Variants in PSORS1C1 observed in about 807,000 individuals in gnomAD.
The protein encoded by PSORS1C1 is psoriasis susceptibility 1 candidate gene 1 protein.
A neutral mutation model predicts 9.4 loss-of-function variants in PSORS1C1; 7 were observed. The ratio of observed to expected loss-of-function variants is 0.75; its 90% CI spans 0.42 to 1.40. The LOEUF is 1.40. Among genes scored for constraint, PSORS1C1 ranks in the 40% most tolerant of loss-of-function variants. The pLI is 0.01. For missense variants in PSORS1C1, 146 were observed against 178.1 expected, an observed-to-expected ratio of 0.82 and a Z score of 1.02; for synonymous variants, 63 against 69.4, an observed-to-expected ratio of 0.91 and a Z score of 0.46.
rs371006522 is a variant in PSORS1C1 at position 31,130,639 on chromosome 6, G to A, written c.13+994G>A. ...CGTGGTCTCGATCTCCTGACCTCGC[G>A]ATCCGCCCACCTCGGCCTCCCAAAG... On this transcript the variant is annotated intron_variant, in intron 3 of 5. Transcript: ENST00000259881. Among the ~76,000 whole-genome samples the A allele has an allele frequency of 6.2e-4, 95 of 152,116 alleles. No individual in the cohort carries two copies. In the East Asian group the frequency reaches 7.9e-3, roughly 13 times the overall value.
rs1057495800 is a variant in PSORS1C1 at position 31,115,886 on chromosome 6, T to C, written c.-229+995T>C. On this transcript the variant is annotated intron_variant, in intron 1 of 5. Coordinates refer to ENST00000259881, the MANE Select transcript of PSORS1C1 (RefSeq NM_014068.3). This position sits in a 1 kb window ranked among gnomAD's most constrained non-coding sequence, Gnocchi z 4.2. ...GAGAGAGTCTGCAACCTTGGGGTAG[T>C]GGAGAAAGCAGAACCACTCTTTTGG... The C allele has an allele frequency of 9.3e-5, 67 of 718,722 alleles. No individual in the cohort carries two copies. Among genetic ancestry groups the C allele is most frequent in the Non-Finnish European group, 1.2e-4 (48 of 410,066 alleles). 44.5% of individuals were successfully genotyped at this position (718,722 alleles called of 1,614,324 possible).
chr6:31,115,850 A>G lies in PSORS1C1; in HGVS notation c.-229+959A>G. 1 of 604,528 alleles carries G rather than the reference A, an allele frequency of 1.7e-6. No homozygotes were observed. The allele number at this position is 604,528 out of a possible 1,614,324, so 37.4% of individuals were successfully genotyped here. On this transcript the variant is annotated intron_variant, in intron 1 of 5. Transcript: ENST00000259881. The surrounding 1 kb of genome is among the most constrained non-coding windows in gnomAD (Gnocchi z 4.2). ...ACCATTTTGAGAAGAGGAAGGAGGA[A>G]GGGGTGATAAGAGAGAGTCTGCAAC... is the stretch of plus-strand genomic sequence containing the variant.
In PSORS1C1 at chr6:31,138,690, C is replaced by G; in HGVS notation, c.78C>G (p.Leu26=). The G allele has an allele frequency of 6.2e-7, 1 of 1,613,100 alleles. No homozygotes were observed. Among genetic ancestry groups the G allele is most frequent in the Non-Finnish European group, 8.5e-7 (1 of 1,179,886 alleles). Residue 26 remains leucine, a synonymous_variant, in exon 5 of 6, where the codon CTC becomes CTG. Transcript: ENST00000259881. ...TQTPALQGPQ[L]LNTDPSSEET... ...CCCCAGCTTTACAAGGACCCCAGCT[C>G]CTTAACACAGATCCCAGCTCCGAGG...
In PSORS1C1 at chr6:31,139,162, C is replaced by T; in HGVS notation, c.167+383C>T. 1.4e-6 allele frequency: 1 copy of T among 701,134 alleles called. No individual in the cohort carries two copies. The highest frequency in any genetic ancestry group is 2.4e-6 in the Non-Finnish European group (1 of 408,540). The allele number at this position is 701,134 out of a possible 1,614,324, so 43.4% of individuals were successfully genotyped here. ...TACCATCAGAACAGAACTGGTCAAA[C>T]CCGTTGGGAAGGCCTGGGCTGATGT... On this transcript the variant is annotated intron_variant, in intron 5 of 5. Coordinates refer to ENST00000259881, the MANE Select transcript of PSORS1C1 (RefSeq NM_014068.3). This position sits in a 1 kb window ranked among gnomAD's most constrained non-coding sequence, Gnocchi z 5.2.
In PSORS1C1 at chr6:31,139,599, A is replaced by G. The variant is rs745939536; in HGVS notation, c.168-42A>G. ...CTTTCCTGGGCACTTCCCTTCCCCCATGGGATCCAGGCATCCTGCTCTCCA... is the reference window on the plus strand; with the variant it reads ...CTTTCCTGGGCACTTCCCTTCCCCCGTGGGATCCAGGCATCCTGCTCTCCA... On this transcript the variant is annotated intron_variant, in intron 5 of 5. Coordinates refer to ENST00000259881, the MANE Select transcript of PSORS1C1 (RefSeq NM_014068.3). The surrounding 1 kb of genome is among the most constrained non-coding windows in gnomAD (Gnocchi z 5.2). 8 of 1,592,618 alleles carry G rather than the reference A, an allele frequency of 5.0e-6. No homozygotes were observed. The highest frequency in any genetic ancestry group is 3.3e-5 in the South Asian group (3 of 89,680).
chr6:31,123,562 T>C (rs890593558), intron 1 of PSORS1C1, among the ~76,000 whole-genome samples: 1 of 152,172 alleles, frequency 6.6e-6, no homozygotes, highest in Non-Finnish European at 1.5e-5. Context: ...TGCCCGTGCA[T>C]TGGACCGGGT....
chr6:31,138,752 G>C lies in PSORS1C1; in HGVS notation c.140G>C (p.Cys47Ser). The C allele has an allele frequency of 6.2e-7, 1 of 1,614,004 alleles. No homozygotes were observed. Among genetic ancestry groups the C allele is most frequent in the Non-Finnish European group, 8.5e-7 (1 of 1,179,980 alleles). The change falls in exon 5 of 6, where the codon TGC (cysteine) becomes TCC (serine). Residue 47 changes from cysteine to serine, a missense_variant. Transcript: ENST00000259881. ...CCCCACGTTAATCCTGACCGACTTT[G>C]CCACATGGAGCCAGCAAACCATTTC... ...RPPHVNPDRL[C>S]HMEPANHFWH...
Position 31,139,960 on chromosome 6 carries a change from T to C in PSORS1C1, c.*28T>C. On this transcript the variant is annotated 3_prime_UTR_variant, in exon 6 of 6. Transcript: ENST00000259881. The surrounding 1 kb of genome is among the most constrained non-coding windows in gnomAD (Gnocchi z 5.2). The stretch of plus-strand genomic sequence containing the variant: ...CTCCCAGAGAGACCCCTAGAACGTT[T>C]CCCTCAAGGACCTTTCTGCCTGGAA... The C allele has an allele frequency of 6.3e-7, 1 of 1,587,194 alleles. No homozygotes were observed. Among genetic ancestry groups the C allele is most frequent in the South Asian group, 1.1e-5 (1 of 90,212 alleles).
At chr6:31,124,355 G>A (rs1772590911) in intron 1 of PSORS1C1, among the ~76,000 whole-genome samples, 2 of 152,242 alleles carry the variant, frequency 1.3e-5, no homozygotes, top group African/African-American at 4.8e-5. Context: ...ACGGTGCCTG[G>A]GTATTTAACA....
At chr6:31,118,669 C>T (rs1034624080) in intron 1 of PSORS1C1, 7 of 152,284 alleles carry the variant, frequency 4.6e-5, no homozygotes, top group African/African-American at 1.7e-4. Context: ...TCTGCCTTCC[C>T]TAGCCCCTCC....
chr6:31,124,596 G>GC (rs1772601290), intron 1 of PSORS1C1, among the ~76,000 whole-genome samples: 1 of 152,206 alleles, frequency 6.6e-6, no homozygotes, highest in South Asian at 2.1e-4. Flanking sequence ...TCATGGACAG[G>GC]CTTAAGAGGC....
chr6:31,123,573 G>A (rs1169052603), intron 1 of PSORS1C1, among the ~76,000 whole-genome samples: 1 of 152,240 alleles, frequency 6.6e-6, no homozygotes, highest in Non-Finnish European at 1.5e-5. Context: ...TGGACCGGGT[G>A]AGAAAGTGTG....
chr6:31,137,608 A>C, intron 3 of PSORS1C1: 2 of 314,554 alleles, frequency 6.4e-6, no homozygotes, highest in East Asian at 5.0e-5. Flanking sequence ...GCCGCCGGCC[A>C]CCAGGTGGCA....
intron 1 of PSORS1C1, among the ~76,000 whole-genome samples, chr6:31,121,517 G>A (rs1030831042): frequency 3.9e-5 from 6 of 152,198 alleles, no homozygotes; most frequent in African/African-American, 1.4e-4. Context: ...CCTCCATTGC[G>A]TTGGCCTCCC....
chr6:31,121,601 G>T (rs1187729926), intron 1 of PSORS1C1, among the ~76,000 whole-genome samples: 1 of 151,594 alleles, frequency 6.6e-6, no homozygotes, highest in Non-Finnish European at 1.5e-5. Flanking sequence ...GTATCGGAGG[G>T]AGGTGCCTGG....
chr6:31,117,756 A>C (rs1447070872), intron 1 of PSORS1C1: 1 of 577,432 alleles, frequency 1.7e-6, no homozygotes, highest in African/African-American at 1.9e-5. Flanking sequence ...ACCAACCAGA[A>C]AAATAGAAAA....
At chr6:31,116,037 G>A (rs1421616796) in intron 1 of PSORS1C1, 5 of 1,611,268 alleles carry the variant, frequency 3.1e-6, no homozygotes, top group Middle Eastern at 1.9e-4. Context: ...ATGGACTGTT[G>A]AGTAACTCTC....
At chr6:31,118,837 C>CTTTG (rs201665595) in intron 1 of PSORS1C1, 1 of 92,456 alleles carries the variant, frequency 1.1e-5, no homozygotes. Flanking sequence ...GTTTTTTCTT[C>CTTTG]TTCTTCTTTT....
At chr6:31,117,979 A>G in intron 1 of PSORS1C1, 1 of 180,130 alleles carries the variant, frequency 5.6e-6, no homozygotes, top group Non-Finnish European at 1.2e-5. Flanking sequence ...GGAATGGAGA[A>G]GGGGCAGGAA....
Sources: allele counts gnomAD v4.1 joint callset (sites outside exome capture counted in the v4.1 genomes callset), GRCh38; gene constraint gnomAD v4.1.1; non-coding constraint Gnocchi (gnomAD v3.1); transcripts MANE v1.5; gene names NCBI Gene and HGNC (gene_info 2026-07-23, HGNC 2026-07-21).